The following FRMPD3 variants were observed in gnomAD, a reference collection of about 807,000 sequenced individuals.
FRMPD3 encodes the protein FERM and PDZ domain containing 3.
A neutral mutation model predicts 97.9 loss-of-function variants in FRMPD3; 42 were observed. The ratio of observed to expected loss-of-function variants is 0.43; its 90% CI spans 0.34 to 0.55. The LOEUF (loss-of-function observed/expected upper bound fraction) is 0.55. Among genes scored for constraint, FRMPD3 ranks in the 20% least tolerant of loss-of-function variants. The pLI is 0.03. For missense variants in FRMPD3, 1,303 were observed against 1,457.7 expected, an observed-to-expected ratio of 0.89 and a Z score of 1.73; for synonymous variants, 577 against 581.1, an observed-to-expected ratio of 0.99 and a Z score of 0.10.
chrX:107,481,585 G>GGA (rs1198442665), intron 1 of FRMPD3, among the ~76,000 whole-genome samples: 1 of 111,581 alleles, frequency 9.0e-6, no homozygotes, highest in Non-Finnish European at 1.9e-5. Flanking sequence ...GAAGAGAGAG[G>GGA]GAGAGAGAGA....
At chrX:107,552,958 A>C in intron 7 of FRMPD3, 32 bp downstream of exon 7, 1 of 1,188,858 alleles carries the variant, frequency 8.4e-7, no homozygotes, top group Non-Finnish European at 1.1e-6. Context: ...ATAGCTTTGC[A>C]TGTGGCCTCT....
At chrX:107,523,640 C>G (rs1352437934) in intron 1 of FRMPD3, among the ~76,000 whole-genome samples, 2 of 112,473 alleles carry the variant, frequency 1.8e-5, no homozygotes, top group African/African-American at 3.2e-5. Context: ...TTTTCTCCCC[C>G]AGCTAGACTG....
Position 107,512,128 on chromosome X carries a change from G to A in FRMPD3, c.-7-14454G>A, listed in dbSNP as rs762797583. Among the ~76,000 whole-genome samples, 5 of 110,534 alleles carry A rather than the reference G, an allele frequency of 4.5e-5. No individual in the cohort carries two copies. The South Asian group carries it at 2.0e-3, about 44-fold the overall frequency. On this transcript the variant is annotated intron_variant, in intron 1 of 14. Transcript: ENST00000683843. ...TGGGAAATTGGCCTAAGTCAGGAAG[G>A]TGTCCTGGGTCTCTTCCTCATGCCG...
Position 107,597,373 on chromosome X carries a change from G to A in FRMPD3, c.1494G>A (p.Lys498=). Reference sequence around the variant, plus strand: ...TCACTGGGGGCCACCTGGGGAAAAAGGAGAGTAGTTATGTGGGCAGCGTGG... The same window carrying A: ...TCACTGGGGGCCACCTGGGGAAAAAAGAGAGTAGTTATGTGGGCAGCGTGG... ...RPVTGGHLGK[K]ESSYVGSVGT... Residue 498 remains lysine (K), a synonymous_variant, in exon 14 of 15, where the codon AAG becomes AAA. Coordinates refer to ENST00000683843, the MANE Select transcript of FRMPD3 (RefSeq NM_001388459.1). 4.1e-6 allele frequency: 5 copies of A among 1,210,346 alleles called. No individual in the cohort carries two copies. In the Middle Eastern group the frequency reaches 9.5e-4, roughly 230 times the overall value.
intron 1 of FRMPD3, among the ~76,000 whole-genome samples, chrX:107,514,405 C>G (rs976063315): frequency 1.4e-4 from 16 of 111,575 alleles, no homozygotes; most frequent in African/African-American, 5.2e-4. Context: ...ACAGGGAGAC[C>G]AGTAAGGAGG....
intron 1 of FRMPD3, among the ~76,000 whole-genome samples, chrX:107,491,549 A>G (rs762979548): frequency 7.2e-5 from 8 of 111,872 alleles, no homozygotes; most frequent in Non-Finnish European, 1.1e-4. Context: ...GTGTTGTACT[A>G]CCTCTCGTAT....
chrX:107,495,496 T>C (rs1395985907), intron 1 of FRMPD3, among the ~76,000 whole-genome samples: 1 of 112,316 alleles, frequency 8.9e-6, no homozygotes, highest in Non-Finnish European at 1.9e-5. Context: ...CCCTAATGTA[T>C]AGAACTGTTT....
intron 13 of FRMPD3, among the ~76,000 whole-genome samples, chrX:107,588,153 G>A (rs1923743002): frequency 9.0e-6 from 1 of 111,560 alleles, no homozygotes; most frequent in Admixed American, 9.6e-5. Flanking sequence ...CTTTGTAGGT[G>A]ACCTGGCCTT....
At chrX:107,517,020 T>G (rs954623395) in intron 1 of FRMPD3, among the ~76,000 whole-genome samples, 16 of 112,098 alleles carry the variant, frequency 1.4e-4, no homozygotes, top group Admixed American at 7.6e-4. Flanking sequence ...GTCCAACATT[T>G]AAGTCTTTAA....
At position 107,601,652 on chromosome X, in the gene FRMPD3, G is replaced by T. The variant is rs1452680490; in HGVS notation, c.3613G>T (p.Ala1205Ser). ...AGCCCACTCGACCTCTGAAGGCCCT[G>T]CCAAACCCAAGTCATCCCGAGGTCC... ...NGAHSTSEGP[A>S]KPKSSRGPFR... is the part of the protein sequence containing the mutation. Residue 1205 changes from alanine to serine, a missense_variant, in exon 15 of 15, where the codon GCC (alanine) becomes TCC (serine). This residue lies in a region of FRMPD3 where 764 missense variants were observed against 820.2 expected (regional missense o/e 0.93). Transcript: ENST00000683843. 5.0e-6 allele frequency: 6 copies of T among 1,211,208 alleles called. No individual in the cohort carries two copies. The highest frequency in any genetic ancestry group is 5.6e-6 in the Non-Finnish European group (5 of 895,486).
At position 107,560,311 on chromosome X, in the gene FRMPD3, C is replaced by T; in HGVS notation, c.817C>T (p.Leu273Phe). 8.3e-7 allele frequency: 1 copy of T among 1,208,933 alleles called. No homozygotes were observed. The highest frequency in any genetic ancestry group is 1.8e-5 in the South Asian group (1 of 56,837). ...TGGAATGGATCCCAAGCCAGAGATG[C>T]TTTTGGGCCTTGCTGCGCTCCACAT... ...RFGMDPKPEM[L>F]LGLAALHIYI... The change falls in exon 9 of 15, where the codon CTT becomes TTT. Residue 273 changes from leucine (L) to phenylalanine (F), a missense_variant. Coordinates refer to ENST00000683843, the MANE Select transcript of FRMPD3 (RefSeq NM_001388459.1).
Position 107,602,534 on chromosome X carries a change from T to C in FRMPD3, c.4495T>C (p.Tyr1499His), listed in dbSNP as rs1340889376. 2 of 1,211,547 alleles carry C rather than the reference T, an allele frequency of 1.7e-6. No homozygotes were observed. Among genetic ancestry groups the C allele is most frequent in the Admixed American group, 4.3e-5 (2 of 46,183 alleles). ...GTGCTGCTCCATCCGCTACTGCTTC[T>C]ACTACCGCAAGTGTGACATGGCAGA... ...SKCCSIRYCFYYRKCDMADDA... is the reference protein window; with the variant it reads ...SKCCSIRYCFHYRKCDMADDA... Residue 1499 changes from tyrosine to histidine, a missense_variant, in exon 15 of 15, where the codon TAC becomes CAC. Around this residue, in one of 3 missense-constraint regions of FRMPD3, gnomAD observed 764 missense variants for 820.2 expected, o/e 0.93. Transcript: ENST00000683843.
At chrX:107,515,121 G>C (rs1229569795) in intron 1 of FRMPD3, among the ~76,000 whole-genome samples, 1 of 111,629 alleles carries the variant, frequency 9.0e-6, no homozygotes, top group Non-Finnish European at 1.9e-5. Context: ...AGGAGGTGTG[G>C]TTAGAATGCA....
chrX:107,475,017 C>T (rs1921162352), intron 1 of FRMPD3, among the ~76,000 whole-genome samples: 1 of 111,167 alleles, frequency 9.0e-6, no homozygotes, highest in African/African-American at 3.3e-5. Context: ...ACTATCAGGC[C>T]CACCTCCAAC....
chrX:107,509,042 A>G lies in FRMPD3; in HGVS notation c.-7-17540A>G, dbSNP rs111394152. On this transcript the variant is annotated intron_variant, in intron 1 of 14. Coordinates refer to ENST00000683843, the MANE Select transcript of FRMPD3 (RefSeq NM_001388459.1). Reference sequence around the variant, plus strand: ...GGGAGGGGGGACTTGTTTCTTGGATATAAGTAATAGTATTGCTGTGCTCAT... The same window carrying G: ...GGGAGGGGGGACTTGTTTCTTGGATGTAAGTAATAGTATTGCTGTGCTCAT... Among the ~76,000 whole-genome samples, 412 of 111,635 alleles carry G rather than the reference A, an allele frequency of 3.7e-3. 1 individual carries two copies. Among genetic ancestry groups the G allele is most frequent in the Middle Eastern group, 0.023 (5 of 218 alleles).
chrX:107,600,244 A>G, intron 14 of FRMPD3, 59 bp from the exon 15 acceptor site: 1 of 1,136,057 alleles, frequency 8.8e-7, no homozygotes, highest in South Asian at 2.2e-5. Flanking sequence ...ACAACCGTGT[A>G]GAGCTGGAAA....
chrX:107,466,414 G>A (rs1931563842), intron 1 of FRMPD3, among the ~76,000 whole-genome samples: 1 of 112,507 alleles, frequency 8.9e-6, no homozygotes, highest in Non-Finnish European at 1.9e-5. Context: ...GAGTGGAGCA[G>A]CTTTGGCCAG....
intron 3 of FRMPD3, among the ~76,000 whole-genome samples, chrX:107,531,343 C>CCTCT (rs369827990): frequency 2.4e-4 from 25 of 102,177 alleles, no homozygotes; most frequent in South Asian, 2.3e-3. Flanking sequence ...TTTCTCTCTC[C>CCTCT]CTCTCTCTCT....
intron 13 of FRMPD3, among the ~76,000 whole-genome samples, chrX:107,584,576 G>A (rs112213089): frequency 8.9e-6 from 1 of 111,949 alleles, no homozygotes; most frequent in African/African-American, 3.2e-5. Context: ...TATGATTTGG[G>A]GTTTTACATT....
Sources: allele counts gnomAD v4.1 joint callset (sites outside exome capture counted in the v4.1 genomes callset), GRCh38; gene constraint gnomAD v4.1.1; regional missense constraint gnomAD v4.1.1; transcripts MANE v1.5; gene names NCBI Gene and HGNC (gene_info 2026-07-23, HGNC 2026-07-21).